Variants in MTFR2 observed in about 807,000 individuals in gnomAD.
The protein encoded by MTFR2 is DUF729 domain-containing protein 1.
Under a neutral mutation model 41.2 loss-of-function variants are expected in MTFR2, and 44 were observed. That is an observed-to-expected ratio of 1.07 (90% CI 0.84 to 1.37). MTFR2 has a LOEUF of 1.37. Ranked by LOEUF, MTFR2 falls within the 40% of genes most tolerant of loss-of-function variation. The pLI is 0.00. For synonymous variants in MTFR2, 141 were observed against 154.6 expected, an observed-to-expected ratio of 0.91 and a Z score of 0.65; for missense variants, 452 against 459.5, an observed-to-expected ratio of 0.98 and a Z score of 0.15.
In MTFR2 at chr6:136,233,447, C is replaced by A; in HGVS notation, c.922G>T (p.Asp308Tyr). ...GCATGAGATATTAAAGAAACTGGAT[C>A]CCAATGTGAATTCTGTCTTTTCCTC... ...HKRKRQNSHW[D>Y]PVSLISHALK... is the part of the protein sequence containing the mutation. The change falls in exon 7 of 8, where the codon GAT (aspartate) becomes TAT (tyrosine). Residue 308 changes from aspartate to tyrosine, a missense_variant. Physicochemically the swap from Asp to Tyr is radical, Grantham distance 160 (BLOSUM62 -3). Coordinates refer to ENST00000420702, the MANE Select transcript of MTFR2 (RefSeq NM_001099286.3). The A allele has an allele frequency of 2.5e-6, 4 of 1,593,342 alleles. No individual in the cohort carries two copies. Among genetic ancestry groups the A allele is most frequent in the South Asian group, 2.3e-5 (2 of 88,118 alleles).
At chr6:136,232,563 A>C (rs1779793043) in intron 7 of MTFR2, among the ~76,000 whole-genome samples, 1 of 152,092 alleles carries the variant, frequency 6.6e-6, no homozygotes, top group Non-Finnish European at 1.5e-5. Context: ...ACACTCTTGG[A>C]GGGCTCAATG....
intron 2 of MTFR2, 51 bp downstream of exon 2, chr6:136,248,986 A>C: frequency 1.3e-6 from 2 of 1,504,478 alleles, no homozygotes; most frequent in Non-Finnish European, 1.8e-6. Flanking sequence ...TTTCAAAATG[A>C]AACCCAAGAA....
At chr6:136,245,090 T>C (rs116661610) in intron 2 of MTFR2, among the ~76,000 whole-genome samples, 1,642 of 152,192 alleles carry the variant, frequency 0.011, 38 homozygotes, top group African/African-American at 0.037. Context: ...TAAAAAGAGA[T>C]GGTAGTAAAC....
At chr6:136,235,631 C>T (rs532236973) in intron 6 of MTFR2, among the ~76,000 whole-genome samples, 9 of 152,230 alleles carry the variant, frequency 5.9e-5, no homozygotes, top group Admixed American at 1.3e-4. Context: ...TTCCCAGAAA[C>T]CAAGTAAAGA....
At chr6:136,240,880 AG>A (rs1273396644) in intron 5 of MTFR2, among the ~76,000 whole-genome samples, 1 of 152,206 alleles carries the variant, frequency 6.6e-6, no homozygotes, top group Admixed American at 6.5e-5. Context: ...TCACGAGGTC[AG>A]GAGATCGAGA....
chr6:136,246,472 G>A (rs147511555), intron 2 of MTFR2, among the ~76,000 whole-genome samples: 8 of 152,058 alleles, frequency 5.3e-5, no homozygotes, highest in East Asian at 1.9e-4. Context: ...TTATAGAGAC[G>A]AGGTTTCATC....
At chr6:136,239,399 C>T (rs1319558100) in intron 6 of MTFR2, 67 bp downstream of exon 6, 2 of 1,204,784 alleles carry the variant, frequency 1.7e-6, no homozygotes, top group Middle Eastern at 2.7e-4. Flanking sequence ...TTTTCATAAA[C>T]ATAATAATTT....
intron 4 of MTFR2, among the ~76,000 whole-genome samples, chr6:136,242,034 C>T (rs1247629823): frequency 1.5e-5 from 2 of 130,912 alleles, no homozygotes; most frequent in East Asian, 4.9e-4. Flanking sequence ...GAGCCAAGAT[C>T]GTGCCATTGC....
rs575113598 is a variant in MTFR2, at chr6:136,235,926, G to A, written c.870-2427C>T. The stretch of plus-strand genomic sequence containing the variant: ...CAGCCTGGCAACAGAGCGAGACTCC[G>A]TCTCAAAAAAAAAAAGAAAGTGCTC... On this transcript the variant is annotated intron_variant, in intron 6 of 7. Coordinates refer to ENST00000420702, the MANE Select transcript of MTFR2 (RefSeq NM_001099286.3). 1.5e-4 allele frequency among the ~76,000 whole-genome samples: 23 copies of A among 151,612 alleles called. 1 individual carries two copies. The highest frequency in any genetic ancestry group is 4.6e-4 in the Admixed American group (7 of 15,234).
chr6:136,233,484 T>C lies in MTFR2; in HGVS notation c.885A>G (p.Arg295=). The C allele has an allele frequency of 6.5e-7, 1 of 1,527,364 alleles. No homozygotes were observed. The allele number at this position is 1,527,364 out of a possible 1,614,324, so 94.6% of individuals were successfully genotyped here. A position where few individuals can be genotyped will look rare whatever the true frequency, so the allele number is the denominator to read the frequency against. Residue 295 remains arginine (R), a synonymous_variant, in exon 7 of 8, where the codon AGA becomes AGG. Transcript: ENST00000420702. ...TCTGTCTTTTCCTCTTATGAATGGG[T>C]CTACCGCCAGGTGACCTATTTTTTA... ...LRAIERSPGG[R]PIHKRKRQNS...
At chr6:136,233,069 A>G (rs1274551501) in intron 7 of MTFR2, 2 of 283,508 alleles carry the variant, frequency 7.1e-6, no homozygotes, top group African/African-American at 2.2e-5. Context: ...GGCACCTAAG[A>G]TAAGTCATTA....
chr6:136,232,458 C>T (rs762472613), intron 7 of MTFR2, among the ~76,000 whole-genome samples: 1 of 152,094 alleles, frequency 6.6e-6, no homozygotes, highest in Non-Finnish European at 1.5e-5. Flanking sequence ...GAGGTTTCAC[C>T]GTGTTGGTCA....
intron 1 of MTFR2, 35 bp from the exon 2 acceptor site, chr6:136,249,188 C>G: frequency 2.0e-6 from 2 of 986,150 alleles, no homozygotes; most frequent in Non-Finnish European, 2.9e-6. Context: ...TTACTCTTGA[C>G]AAATAAATGC....
Position 136,239,709 on chromosome 6 carries a change from G to C in MTFR2, c.626C>G (p.Pro209Arg), listed in dbSNP as rs529012065. ...CTGAGGAGGAAGTGGTGGAGGAGGAGGAGGAGAAAGCACTGAACCTGGAAG... is the reference window on the plus strand; with the variant it reads ...CTGAGGAGGAAGTGGTGGAGGAGGACGAGGAGAAAGCACTGAACCTGGAAG... The part of the protein sequence containing the change: ...DQLPGSVLSP[P>R]PPPPLPPQFS... Residue 209 changes from proline (P) to arginine (R), a missense_variant, in exon 6 of 8, where the codon CCT becomes CGT. Pro to Arg is a moderately radical substitution (Grantham distance 103, BLOSUM62 -2). Coordinates refer to ENST00000420702, the MANE Select transcript of MTFR2 (RefSeq NM_001099286.3). 2.5e-6 allele frequency: 4 copies of C among 1,614,120 alleles called. No homozygotes were observed. In the South Asian group the frequency reaches 3.3e-5, roughly 13 times the overall value.
chr6:136,237,286 T>C (rs973236076), intron 6 of MTFR2, among the ~76,000 whole-genome samples: 1 of 152,210 alleles, frequency 6.6e-6, no homozygotes, highest in African/African-American at 2.4e-5. Context: ...GCGATCAGCT[T>C]TTCCTTGCCT....
At chr6:136,245,638 C>T (rs1194029699) in intron 2 of MTFR2, among the ~76,000 whole-genome samples, 5 of 152,190 alleles carry the variant, frequency 3.3e-5, no homozygotes, top group Admixed American at 3.3e-4. Flanking sequence ...AGCTGTTAAA[C>T]AACAGCAACA....
intron 5 of MTFR2, among the ~76,000 whole-genome samples, chr6:136,240,940 A>C (rs1248999296): frequency 1.3e-5 from 2 of 152,076 alleles, no homozygotes; most frequent in Non-Finnish European, 2.9e-5. Flanking sequence ...AAATACAAAA[A>C]ATTAGCCGAG....
intron 3 of MTFR2, among the ~76,000 whole-genome samples, chr6:136,244,324 T>C (rs921075988): frequency 3.9e-5 from 6 of 152,212 alleles, no homozygotes; most frequent in Admixed American, 6.5e-5. Flanking sequence ...TAATTTTTAC[T>C]GCATTGTTAC....
At position 136,239,735 on chromosome 6, in the gene MTFR2, C is replaced by A. The variant is rs772893280; in HGVS notation, c.600G>T (p.Gln200His). The change falls in exon 6 of 8, where the codon CAG becomes CAT. Residue 200 changes from glutamine (Q) to histidine (H), a missense_variant. Physicochemically the swap from Gln to His is conservative, Grantham distance 24. Transcript: ENST00000420702. ...RAAHLSVDPD[Q>H]LPGSVLSPPP... ...GAGGAGAAAGCACTGAACCTGGAAG[C>A]TGATCTGGGTCCACACTCAGATGGG... 1 of 1,614,086 alleles carries A rather than the reference C, an allele frequency of 6.2e-7. No individual in the cohort carries two copies. Among genetic ancestry groups the A allele is most frequent in the Admixed American group, 1.7e-5 (1 of 60,004 alleles).
Sources: allele counts gnomAD v4.1 joint callset (sites outside exome capture counted in the v4.1 genomes callset), GRCh38; gene constraint gnomAD v4.1.1; transcripts MANE v1.5; gene names NCBI Gene and HGNC (gene_info 2026-07-23, HGNC 2026-07-21).